The following ANK1 variants were observed in gnomAD, a reference collection of about 807,000 sequenced individuals.
The protein encoded by ANK1 is ankyrin-1.
A neutral mutation model predicts 210.4 loss-of-function variants in ANK1; 51 were observed. The observed-to-expected ratio is 0.24, with a 90% CI of 0.19 to 0.31. The LOEUF is 0.31. Ranked by LOEUF, ANK1 falls within the 10% of genes least tolerant of loss-of-function variation. The pLI, the probability that ANK1 is intolerant of heterozygous loss-of-function variation, is 1.00. For missense variants in ANK1, 2,051 were observed against 2,504.4 expected (o/e 0.82, Z 3.86); for synonymous variants, 967 against 1,025.9 (o/e 0.94, Z 1.10).
intron 1 of ANK1, among the ~76,000 whole-genome samples, chr8:41,832,515 C>T (rs1355649555): frequency 3.9e-5 from 6 of 152,234 alleles, no homozygotes; most frequent in Admixed American, 3.9e-4. Flanking sequence ...AGAAGCCACT[C>T]TCCCACCCCC....
chr8:41,678,086 C>T (rs890986081), intron 37 of ANK1, among the ~76,000 whole-genome samples: 1 of 152,054 alleles, frequency 6.6e-6, no homozygotes, highest in African/African-American at 2.4e-5. Flanking sequence ...CTTGTTGGAT[C>T]TATGTCTTCA....
Position 41,854,865 on chromosome 8 carries a change from G to A in ANK1, c.126+41490C>T, listed in dbSNP as rs535820873. Among the ~76,000 whole-genome samples the A allele has an allele frequency of 1.2e-4, 18 of 151,852 alleles. No individual in the cohort carries two copies. In the South Asian group the frequency reaches 3.7e-3, roughly 32 times the overall value. ...CTCGGGAGGCTGAGGTGGGAGGATT[G>A]CTTGAGCCCGAGTTGGAGGCTGCAG... On this transcript the variant is annotated intron_variant, in intron 1 of 42. Transcript: ENST00000265709.
chr8:41,864,471 C>T lies in ANK1; in HGVS notation c.126+31884G>A, dbSNP rs918895889. On this transcript the variant is annotated intron_variant, in intron 1 of 42. Transcript: ENST00000265709. ...TGCCCACCACGAGAGCTGCTGGCCGCGTGCTGAGTCCTCCCCACTCTCCCT... is the reference window on the plus strand; with the variant it reads ...TGCCCACCACGAGAGCTGCTGGCCGTGTGCTGAGTCCTCCCCACTCTCCCT... Among the ~76,000 whole-genome samples the T allele has an allele frequency of 4.6e-5, 7 of 152,106 alleles. No individual in the cohort carries two copies. The East Asian group carries it at 7.7e-4, about 17-fold the overall frequency.
At chr8:41,810,366 TATTTTATATTTCCCCCCAAAAGA>T (rs1314381172) in intron 1 of ANK1, among the ~76,000 whole-genome samples, 3 of 152,230 alleles carry the variant, frequency 2.0e-5, no homozygotes, top group Non-Finnish European at 2.9e-5. Flanking sequence ...GATTGGAGGC[TATTTTATATTTCCCCCCAAAAGA>T]GGGAAATCTT....
Position 41,848,389 on chromosome 8 carries a change from G to A in ANK1, c.126+47966C>T, listed in dbSNP as rs762689404. 1.4e-3 allele frequency among the ~76,000 whole-genome samples: 211 copies of A among 152,188 alleles called. 1 individual carries two copies. The highest frequency in any genetic ancestry group is 2.2e-3 in the Non-Finnish European group (151 of 68,034). ...AGAAGGTTCTTGGCTAAAATGCGAA[G>A]ACCTCACAGGGGAAGTGGGAAGCGT... On this transcript the variant is annotated intron_variant, in intron 1 of 42. Coordinates refer to the ANK1 transcript ENST00000265709.
intron 2 of ANK1, among the ~76,000 whole-genome samples, chr8:41,740,050 C>T (rs111691881): frequency 0.018 from 2,709 of 152,098 alleles, 82 homozygotes; most frequent in African/African-American, 0.062. Flanking sequence ...GCAATCCTTC[C>T]CCCTTCTCTG....
In ANK1 at chr8:41,672,903, G is replaced by T; in HGVS notation, c.4547C>A (p.Ser1516Ter). The T allele has an allele frequency of 6.2e-7, 1 of 1,600,886 alleles. No homozygotes were observed. Residue 1516 changes from serine to a stop codon, truncating the protein, a stop_gained, in exon 38 of 43, where the codon TCA (serine) becomes TAA (stop). Coordinates refer to ENST00000289734, the MANE Select transcript of ANK1 (RefSeq NM_000037.4). LOFTEE classifies it high-confidence loss of function. ...LSPSQMNGYS[S>*]LQDELLSPAS... ...AGGGGACAGCAGCTCGTCCTGCAGT[G>T]AGGAGTAACCTGGATGGGCAGACAG... is the stretch of plus-strand genomic sequence containing the variant.
intron 39 of ANK1, 46 bp downstream of exon 39, chr8:41,668,221 G>A (rs749953104): frequency 1.5e-5 from 24 of 1,612,896 alleles, no homozygotes; most frequent in African/African-American, 8.0e-5. Context: ...GGCCCCTTCC[G>A]ATGCTGGGAA....
intron 22 of ANK1, 57 bp downstream of exon 22, chr8:41,701,493 G>A: frequency 6.4e-7 from 1 of 1,555,056 alleles, no homozygotes; most frequent in East Asian, 2.2e-5. Context: ...AGCCCCCTTG[G>A]AGGGTGCCCG....
In ANK1 at chr8:41,690,215, G is replaced by A. The variant is rs768356739; in HGVS notation, c.4104+12C>T. 6.3e-5 allele frequency: 101 copies of A among 1,614,050 alleles called. No individual in the cohort carries two copies. Among genetic ancestry groups the A allele is most frequent in the Non-Finnish European group, 8.1e-5 (96 of 1,180,062 alleles). ...GTCTCGGGCCAAGGCTCCTCGGCAG[G>A]TGCCAGCTCACCTTGGCGCAGGGGG... On this transcript the variant is annotated intron_variant, in intron 33 of 42. Coordinates refer to ENST00000289734, the MANE Select transcript of ANK1 (RefSeq NM_000037.4).
rs1587022274 is a variant in ANK1, at chr8:41,797,611, A to C, written c.-73T>G. The C allele has an allele frequency of 6.2e-7, 1 of 1,602,340 alleles. No homozygotes were observed. Among genetic ancestry groups the C allele is most frequent in the Non-Finnish European group, 8.5e-7 (1 of 1,175,752 alleles). ...AGGAGCAGCTGGGGCTGGCGGACTC[A>C]CCGCAGCCTCTGCGGGGCCTGTGAC... is the stretch of plus-strand genomic sequence containing the variant. On this transcript the variant is annotated 5_prime_UTR_variant, in exon 1 of 43. Transcript: ENST00000289734. The surrounding 1 kb of genome is among the most constrained non-coding windows in gnomAD (Gnocchi z 4.0).
In ANK1 at chr8:41,795,130, G is replaced by T. The variant is rs79558807; in HGVS notation, c.27+2382C>A. Among the ~76,000 whole-genome samples, 153 of 152,308 alleles carry T rather than the reference G, an allele frequency of 1.0e-3. 2 individuals carry two copies. The East Asian group carries it at 0.028, about 28-fold the overall frequency. On this transcript the variant is annotated intron_variant, in intron 1 of 42. Transcript: ENST00000289734. ...GAAACCCTGCTTTTCTAAATATATT[G>T]CAGTTTGATTAATCTCAAAATAAGT...
chr8:41,790,705 G>A (rs1456289139), intron 1 of ANK1, among the ~76,000 whole-genome samples: 1 of 152,142 alleles, frequency 6.6e-6, no homozygotes, highest in African/African-American at 2.4e-5. Context: ...ATTAATAGAA[G>A]ACTTTGAGAT....
intron 29 of ANK1, 78 bp from the exon 30 acceptor site, chr8:41,693,279 G>C: frequency 7.8e-7 from 1 of 1,286,446 alleles, no homozygotes; most frequent in South Asian, 1.2e-5. Flanking sequence ...CTAAGGCCGT[G>C]GTGTGCAAGG....
intron 1 of ANK1, among the ~76,000 whole-genome samples, chr8:41,822,284 A>G (rs1804597679): frequency 2.0e-5 from 3 of 152,336 alleles, no homozygotes; most frequent in South Asian, 4.1e-4. Flanking sequence ...CAAGAGCATC[A>G]TTGCAACCAT....
intron 1 of ANK1, among the ~76,000 whole-genome samples, chr8:41,843,402 C>G (rs981196304): frequency 2.0e-5 from 3 of 151,488 alleles, no homozygotes; most frequent in South Asian, 2.1e-4. Flanking sequence ...ATTTCCCCCC[C>G]ACCCACTCCC....
intron 17 of ANK1, among the ~76,000 whole-genome samples, chr8:41,706,960 C>T (rs766612835): frequency 3.9e-5 from 6 of 152,158 alleles, no homozygotes; most frequent in African/African-American, 1.4e-4. Flanking sequence ...ATAAGCAGGG[C>T]GTGGTGGCTC....
intron 1 of ANK1, among the ~76,000 whole-genome samples, chr8:41,868,510 C>T (rs184121360): frequency 5.9e-5 from 9 of 152,328 alleles, no homozygotes; most frequent in African/African-American, 2.2e-4. Flanking sequence ...AATGCAGCTT[C>T]CAGACAATGT....
chr8:41,750,805 C>T (rs1243270962), intron 2 of ANK1, among the ~76,000 whole-genome samples: 1 of 152,214 alleles, frequency 6.6e-6, no homozygotes, highest in Non-Finnish European at 1.5e-5. Flanking sequence ...TCTGGGAAGT[C>T]TTCACTTTGA....
Sources: allele counts gnomAD v4.1 joint callset (sites outside exome capture counted in the v4.1 genomes callset), GRCh38; gene constraint gnomAD v4.1.1; non-coding constraint Gnocchi (gnomAD v3.1); transcripts MANE v1.5; gene names NCBI Gene and HGNC (gene_info 2026-07-23, HGNC 2026-07-21).